The following SPHKAP variants were observed in gnomAD, a reference collection of about 807,000 sequenced individuals.
SPHKAP encodes the protein SPHK1 interactor, AKAP domain containing.
In SPHKAP, 67 loss-of-function variants were observed where a neutral mutation model predicts 137.5. The ratio of observed to expected loss-of-function variants is 0.49; its 90% CI spans 0.40 to 0.60. The LOEUF is 0.60. Ranked by LOEUF, SPHKAP falls within the 20% of genes least tolerant of loss-of-function variation. The pLI is 0.00. For synonymous variants in SPHKAP, 813 were observed against 785.3 expected, an observed-to-expected ratio of 1.04 and a Z score of -0.59; for missense variants, 2,097 against 2,069.3, an observed-to-expected ratio of 1.01 and a Z score of -0.26.
At chr2:228,098,789 T>C (rs1698091556) in intron 3 of SPHKAP, among the ~76,000 whole-genome samples, 1 of 148,272 alleles carries the variant, frequency 6.7e-6, no homozygotes, top group South Asian at 2.1e-4. Flanking sequence ...TGTCTGTTCA[T>C]GGCCTTTGCC....
intron 1 of SPHKAP, among the ~76,000 whole-genome samples, chr2:228,166,599 G>A (rs1400639757): frequency 1.3e-5 from 2 of 152,120 alleles, no homozygotes; most frequent in East Asian, 1.9e-4. Context: ...CTCCTTTCCT[G>A]CCTCATTCTT....
rs1313392929 is a variant in SPHKAP, at chr2:228,132,843, C to CAAAAAAAAAAAA, written c.33-759_33-758insTTTTTTTTTTTT. 2.3e-4 allele frequency among the ~76,000 whole-genome samples: 29 copies of CAAAAAAAAAAAA among 126,308 alleles called. 1 individual carries two copies. Among genetic ancestry groups the CAAAAAAAAAAAA allele is most frequent in the African/African-American group, 3.2e-4 (11 of 34,778 alleles). The allele number at this position is 126,308 out of a possible 152,430, so 82.9% of individuals were successfully genotyped here. On this transcript the variant is annotated intron_variant, in intron 1 of 11. Coordinates refer to ENST00000392056, the MANE Select transcript of SPHKAP (RefSeq NM_001142644.2). ...TGAAACCCTGTTTCTACTAAAAATACAAAAAAAAAAATAAGCCAGGTGTGG... is the reference window on the plus strand; with the variant it reads ...TGAAACCCTGTTTCTACTAAAAATACAAAAAAAAAAAAAAAAAAAAAAATAAGCCAGGTGTGG...
intron 3 of SPHKAP, among the ~76,000 whole-genome samples, chr2:228,030,551 A>T (rs1266139049): frequency 2.3e-5 from 3 of 128,692 alleles, no homozygotes; most frequent in Non-Finnish European, 1.6e-5. Context: ...AACAAAAAAA[A>T]AAAAATAAAA....
intron 3 of SPHKAP, among the ~76,000 whole-genome samples, chr2:228,089,126 T>C (rs563632324): frequency 1.3e-5 from 2 of 152,294 alleles, no homozygotes; most frequent in Admixed American, 6.5e-5. Context: ...TGTTGAGTGG[T>C]TGTGACCAAA....
chr2:228,097,343 A>T (rs1180526463), intron 3 of SPHKAP, among the ~76,000 whole-genome samples: 1 of 152,208 alleles, frequency 6.6e-6, no homozygotes, highest in Non-Finnish European at 1.5e-5. Context: ...TTATTCATCT[A>T]ATTATATTTC....
At chr2:228,023,499 G>A (rs1397262314) in intron 5 of SPHKAP, among the ~76,000 whole-genome samples, 1 of 152,192 alleles carries the variant, frequency 6.6e-6, no homozygotes, top group Non-Finnish European at 1.5e-5. Flanking sequence ...AATTCACAAA[G>A]TATCTGTGAT....
At chr2:228,030,531 A>C (rs1383520230) in intron 3 of SPHKAP, among the ~76,000 whole-genome samples, 46 of 68,322 alleles carry the variant, frequency 6.7e-4, no homozygotes, top group African/African-American at 2.9e-3. Context: ...AAAAAAAAAA[A>C]ACAACAAAAA....
Position 228,016,917 on chromosome 2 carries a change from A to G in SPHKAP, c.3937T>C (p.Ser1313Pro), listed in dbSNP as rs775211977. ...NMLIHETWAS[S>P]IEALMRKNKI... ...TTCTTGCGCATGAGAGCCTCAATGG[A>G]GCTAGCCCACGTTTCATGAATTAAC... The change falls in exon 7 of 12, where the codon TCC (serine) becomes CCC (proline). Residue 1313 changes from serine to proline, a missense_variant. Coordinates refer to ENST00000392056, the MANE Select transcript of SPHKAP (RefSeq NM_001142644.2). 2 of 1,614,132 alleles carry G rather than the reference A, an allele frequency of 1.2e-6. No individual in the cohort carries two copies. The highest frequency in any genetic ancestry group is 1.7e-6 in the Non-Finnish European group (2 of 1,180,012).
Position 228,062,173 on chromosome 2 carries a change from C to CT in SPHKAP, c.247-34631dup, listed in dbSNP as rs60143983. ...CCCCTGACCTTTTTTTTTAATTTTT[C>CT]TTTTTTTTTTTTTAAATCTTGTCTC... On this transcript the variant is annotated intron_variant, in intron 3 of 11. Transcript: ENST00000392056. 6.9e-3 allele frequency among the ~76,000 whole-genome samples: 991 copies of CT among 143,492 alleles called. 30 individuals carry two copies. The highest frequency in any genetic ancestry group is 0.053 in the Admixed American group (765 of 14,330). 94.1% of individuals were successfully genotyped at this position (143,492 alleles called of 152,430 possible).
intron 5 of SPHKAP, 170 bp from the exon 6 acceptor site, chr2:228,022,136 T>G: frequency 1.0e-6 from 1 of 984,066 alleles, no homozygotes; most frequent in Non-Finnish European, 1.2e-6. Context: ...AAAATTCAAG[T>G]GATGTTTGGA....
At chr2:227,993,703 G>GCTC in intron 8 of SPHKAP, 83 bp from the exon 9 acceptor site, 2 of 1,246,364 alleles carry the variant, frequency 1.6e-6, no homozygotes, top group Non-Finnish European at 2.3e-6. Context: ...TGTTGTACAA[G>GCTC]CTCCTTCCTT....
chr2:228,032,132 GA>G (rs976671366), intron 3 of SPHKAP, among the ~76,000 whole-genome samples: 1 of 151,754 alleles, frequency 6.6e-6, no homozygotes, highest in African/African-American at 2.4e-5. Flanking sequence ...TAAAAACTTT[GA>G]AAAAAAATTA....
chr2:228,067,256 T>C (rs1696857398), intron 3 of SPHKAP, among the ~76,000 whole-genome samples: 1 of 152,226 alleles, frequency 6.6e-6, no homozygotes, highest in Non-Finnish European at 1.5e-5. Flanking sequence ...TTCTATTGAC[T>C]CTCTGATAAC....
intron 3 of SPHKAP, among the ~76,000 whole-genome samples, chr2:228,069,375 T>C (rs1696933306): frequency 6.6e-6 from 1 of 152,154 alleles, no homozygotes; most frequent in Admixed American, 6.5e-5. Flanking sequence ...CCTTGCACTG[T>C]ACCTTGTATA....
intron 3 of SPHKAP, among the ~76,000 whole-genome samples, chr2:228,050,531 T>G (rs574173757): frequency 1.3e-5 from 2 of 152,358 alleles, no homozygotes; most frequent in East Asian, 3.9e-4. Flanking sequence ...ACATATTAGA[T>G]GTACCTGTGT....
rs779250422 is a variant in SPHKAP, at chr2:228,018,133, G to T, written c.2721C>A (p.Asp907Glu). The part of the protein sequence containing the change: ...VQVNLSLLGD[D>E]LLLPAQSTLQ... ...GCGTGGATTGAGCAGGAAGCAGCAG[G>T]TCATCCCCTAACAAGGACAGGTTGA... Residue 907 changes from aspartate to glutamate, a missense_variant, in exon 7 of 12, where the codon GAC (aspartate) becomes GAA (glutamate). Physicochemically the swap from Asp to Glu is conservative, Grantham distance 45 (BLOSUM62 2). Transcript: ENST00000392056. The T allele has an allele frequency of 1.2e-6, 2 of 1,614,038 alleles. No homozygotes were observed. Among genetic ancestry groups the T allele is most frequent in the Non-Finnish European group, 1.7e-6 (2 of 1,180,040 alleles).
chr2:228,126,352 G>GTGTTTGTTT (rs1167853164), intron 2 of SPHKAP, among the ~76,000 whole-genome samples: 1 of 152,204 alleles, frequency 6.6e-6, no homozygotes, highest in East Asian at 1.9e-4. Flanking sequence ...TGGATTGAAA[G>GTGTTTGTTT]TGTTTGTTTA....
Position 227,999,651 on chromosome 2 carries a change from A to T in SPHKAP, c.4449-3957T>A, listed in dbSNP as rs145024329. 2.0e-5 allele frequency among the ~76,000 whole-genome samples: 3 copies of T among 152,340 alleles called. No homozygotes were observed. The East Asian group carries it at 5.8e-4, about 29-fold the overall frequency. The stretch of plus-strand genomic sequence containing the variant: ...TGAGTCTGTCAGTGTATTTTACTTT[A>T]TCTCAACTTCATGCTCTATTTAAAG... On this transcript the variant is annotated intron_variant, in intron 7 of 11. Transcript: ENST00000392056.
intron 2 of SPHKAP, among the ~76,000 whole-genome samples, chr2:228,125,659 C>G (rs1649205071): frequency 6.6e-6 from 1 of 152,096 alleles, no homozygotes; most frequent in Non-Finnish European, 1.5e-5. Flanking sequence ...TATAAAGAGA[C>G]TAGGAAGAAT....
Sources: gnomAD v4.1 joint callset for allele counts (sites outside exome capture counted in the v4.1 genomes callset) on GRCh38, gnomAD v4.1.1 for gene constraint, MANE v1.5 for transcripts, NCBI Gene and HGNC (gene_info 2026-07-23, HGNC 2026-07-21) for gene names.